LYPLAL1: variants seen among roughly 807,000 people sequenced by gnomAD.
LYPLAL1 encodes lysophospholipase-like protein 1.
In LYPLAL1, 23 loss-of-function variants were observed where a neutral mutation model predicts 19.7. That is an observed-to-expected ratio of 1.17 (90% CI 0.84 to 1.65). The LOEUF is 1.65. LYPLAL1 is among the 40% of genes most tolerant of loss of function. The pLI, the probability that LYPLAL1 is intolerant of heterozygous loss-of-function variation, is 0.00. For missense variants in LYPLAL1, 355 were observed against 279.4 expected (o/e 1.27, Z -1.93); for synonymous variants, 119 against 96.3 (o/e 1.24, Z -1.38).
At chr1:219,404,214 C>T in the LYPLAL1 span, among the ~76,000 whole-genome samples, 2 of 152,104 alleles carry the variant, frequency 1.3e-5, no homozygotes, top group Admixed American at 1.3e-4. Context: ...ACTAATATCT[C>T]CAAAGCCCCA....
the LYPLAL1 span, among the ~76,000 whole-genome samples, chr1:219,292,862 G>C: frequency 6.6e-6 from 1 of 152,168 alleles, no homozygotes; most frequent in Non-Finnish European, 1.5e-5. Context: ...CCTGGCAGAT[G>C]GGGCTTCAGA....
At chr1:219,302,266 A>G in the LYPLAL1 span, among the ~76,000 whole-genome samples, 198 of 152,286 alleles carry the variant, frequency 1.3e-3, 1 homozygote, top group African/African-American at 4.6e-3. Context: ...ATCCATTCAG[A>G]TTACATTGCC....
chr1:219,315,469 C>G, the LYPLAL1 span, among the ~76,000 whole-genome samples: 49 of 152,198 alleles, frequency 3.2e-4, no homozygotes, highest in African/African-American at 1.2e-3. Flanking sequence ...TCAAATAGCT[C>G]TTACAGAAAC....
chr1:219,306,781 G>GATAGATAC, the LYPLAL1 span, among the ~76,000 whole-genome samples: 5 of 150,216 alleles, frequency 3.3e-5, no homozygotes, highest in South Asian at 2.1e-4. Context: ...TAGATAGATA[G>GATAGATAC]ATAGATACAT....
chr1:219,425,353 G>C, the LYPLAL1 span, among the ~76,000 whole-genome samples: 1 of 152,190 alleles, frequency 6.6e-6, no homozygotes, highest in Non-Finnish European at 1.5e-5. Flanking sequence ...ATGAGGCACA[G>C]GCTTAGTGAT....
the LYPLAL1 span, among the ~76,000 whole-genome samples, chr1:219,425,678 C>A: frequency 6.6e-6 from 1 of 152,118 alleles, no homozygotes; most frequent in African/African-American, 2.4e-5. Context: ...TAGGACCTGG[C>A]CATAGGGAAT....
At chr1:219,192,777 A>G (rs889661301) in intron 2 of LYPLAL1, among the ~76,000 whole-genome samples, 1 of 151,606 alleles carries the variant, frequency 6.6e-6, no homozygotes, top group African/African-American at 2.4e-5. Flanking sequence ...ATAGTATCCC[A>G]GAGCATGAAT....
At chr1:219,350,362 G>A in the LYPLAL1 span, among the ~76,000 whole-genome samples, 1 of 152,118 alleles carries the variant, frequency 6.6e-6, no homozygotes, top group Admixed American at 6.6e-5. Context: ...ACAATGCTGG[G>A]TTGTAGGACC....
At chr1:219,191,783 G>C (rs1657203516) in intron 2 of LYPLAL1, among the ~76,000 whole-genome samples, 1 of 151,268 alleles carries the variant, frequency 6.6e-6, no homozygotes, top group Non-Finnish European at 1.5e-5. Flanking sequence ...CATAAACTTA[G>C]GGAAAACATT....
the LYPLAL1 span, among the ~76,000 whole-genome samples, chr1:219,358,785 T>C: frequency 2.6e-5 from 4 of 152,122 alleles, no homozygotes; most frequent in South Asian, 6.2e-4. Context: ...AGCCAAATCA[T>C]ATCAAGTATT....
At chr1:219,320,066 C>T in the LYPLAL1 span, among the ~76,000 whole-genome samples, 3 of 152,166 alleles carry the variant, frequency 2.0e-5, no homozygotes, top group Admixed American at 6.5e-5. Flanking sequence ...ACACAATACG[C>T]AAGACAGAAA....
chr1:219,382,421 G>A, the LYPLAL1 span, among the ~76,000 whole-genome samples: 16 of 152,068 alleles, frequency 1.1e-4, no homozygotes, highest in South Asian at 2.1e-4. Flanking sequence ...ATGCAGTGGC[G>A]CAATCTTGGC....
chr1:219,224,846 G>A, the LYPLAL1 span, among the ~76,000 whole-genome samples: 1 of 152,038 alleles, frequency 6.6e-6, no homozygotes, highest in Non-Finnish European at 1.5e-5. Context: ...GTTTTTGGAG[G>A]TTATTAATCA....
At chr1:219,196,755 G>A (rs1456805621) in intron 3 of LYPLAL1, among the ~76,000 whole-genome samples, 1 of 152,042 alleles carries the variant, frequency 6.6e-6, no homozygotes, top group African/African-American at 2.4e-5. Flanking sequence ...AAACTCTATC[G>A]TTTCAGCCCC....
At chr1:219,319,898 A>G in the LYPLAL1 span, among the ~76,000 whole-genome samples, 3 of 152,368 alleles carry the variant, frequency 2.0e-5, no homozygotes, top group Non-Finnish European at 4.4e-5. Flanking sequence ...CACAGTATCC[A>G]TCTCTGTGTG....
the LYPLAL1 span, among the ~76,000 whole-genome samples, chr1:219,282,152 A>T: frequency 1.1e-3 from 170 of 152,334 alleles, 1 homozygote; most frequent in African/African-American, 3.9e-3. Context: ...CAGGGAAACA[A>T]GTCTGTAATA....
chr1:219,429,213 G>A, the LYPLAL1 span, among the ~76,000 whole-genome samples: 14 of 152,308 alleles, frequency 9.2e-5, no homozygotes, highest in African/African-American at 3.4e-4. Flanking sequence ...AGGAGGAATA[G>A]GAGGCAGTAT....
chr1:219,414,124 C>T, the LYPLAL1 span, among the ~76,000 whole-genome samples: 4 of 152,262 alleles, frequency 2.6e-5, no homozygotes, highest in South Asian at 8.3e-4. Context: ...TTGGATAAGA[C>T]CCTAACTAGA....
the LYPLAL1 span, among the ~76,000 whole-genome samples, chr1:219,269,971 A>G: frequency 2.0e-5 from 3 of 152,232 alleles, no homozygotes; most frequent in Admixed American, 6.5e-5. Flanking sequence ...AATTGTTTAG[A>G]TGGGCTATAA....
Sources: gnomAD v4.1 joint callset for allele counts (sites outside exome capture counted in the v4.1 genomes callset) on GRCh38, gnomAD v4.1.1 for gene constraint, MANE v1.5 for transcripts, NCBI Gene and HGNC (gene_info 2026-07-23, HGNC 2026-07-21) for gene names.